CTNNA3: variants seen among roughly 807,000 people sequenced by gnomAD.
The protein encoded by CTNNA3 is catenin alpha 3.
CTNNA3 carries 76 observed loss-of-function variants against 95.7 expected under a neutral mutation model. The ratio of observed to expected loss-of-function variants is 0.79; its 90% CI spans 0.66 to 0.96. The LOEUF is 0.96. Ranked by LOEUF, CTNNA3 falls within the 40% of genes least tolerant of loss-of-function variation. The probability of loss-of-function intolerance (pLI) is 0.00; values close to 1 mark genes in which losing one functional copy is unlikely to be tolerated. For missense variants in CTNNA3, 1,191 were observed against 1,089.8 expected, an observed-to-expected ratio of 1.09 and a Z score of -1.31; for synonymous variants, 431 against 374.4, an observed-to-expected ratio of 1.15 and a Z score of -1.74.
intron 7 of CTNNA3, among the ~76,000 whole-genome samples, chr10:67,020,691 T>C (rs976292403): frequency 1.3e-4 from 20 of 152,234 alleles, no homozygotes; most frequent in African/African-American, 4.3e-4. Context: ...CAAAAGTTAT[T>C]TAAGGGGAGA....
chr10:67,266,432 C>T (rs1409203297), intron 5 of CTNNA3, among the ~76,000 whole-genome samples: 2 of 152,042 alleles, frequency 1.3e-5, no homozygotes, highest in Non-Finnish European at 2.9e-5. Context: ...TTAGAGCGAG[C>T]ATGCGGTTGG....
intron 11 of CTNNA3, among the ~76,000 whole-genome samples, chr10:66,448,696 T>C (rs188500190): frequency 1.6e-5 from 2 of 127,288 alleles, no homozygotes; most frequent in Non-Finnish European, 3.3e-5. Flanking sequence ...GGAAGGGGGG[T>C]GGGATAGCAT....
intron 7 of CTNNA3, among the ~76,000 whole-genome samples, chr10:67,148,179 TAC>T (rs1287849388): frequency 6.6e-6 from 1 of 152,160 alleles, no homozygotes; most frequent in Admixed American, 6.5e-5. Context: ...ATTTAGGACA[TAC>T]ATACACACAA....
intron 7 of CTNNA3, among the ~76,000 whole-genome samples, chr10:66,822,478 T>C (rs1032624651): frequency 3.9e-5 from 6 of 152,216 alleles, no homozygotes; most frequent in Non-Finnish European, 7.3e-5. Context: ...TAATTTTCAA[T>C]ATTTACAAGT....
chr10:66,835,609 G>T (rs1842860442), intron 7 of CTNNA3, among the ~76,000 whole-genome samples: 1 of 152,246 alleles, frequency 6.6e-6, no homozygotes, highest in South Asian at 2.1e-4. Flanking sequence ...TGATACTTTT[G>T]ACACACCCCC....
At chr10:66,485,016 C>A (rs570294181) in intron 11 of CTNNA3, among the ~76,000 whole-genome samples, 1 of 151,974 alleles carries the variant, frequency 6.6e-6, no homozygotes, top group Non-Finnish European at 1.5e-5. Flanking sequence ...TACAGAAAAT[C>A]ATTGACAAAA....
At chr10:67,105,548 A>G (rs537959924) in intron 7 of CTNNA3, among the ~76,000 whole-genome samples, 2 of 152,228 alleles carry the variant, frequency 1.3e-5, no homozygotes, top group South Asian at 2.1e-4. Context: ...TTTTACATCA[A>G]TGATATATTT....
chr10:67,277,882 C>T (rs908941834), intron 5 of CTNNA3, among the ~76,000 whole-genome samples: 6 of 152,136 alleles, frequency 3.9e-5, no homozygotes, highest in Non-Finnish European at 7.3e-5. Context: ...TTGCCCACCC[C>T]TTTCCCAGAA....
At chr10:66,330,815 TG>T (rs1320394355) in intron 12 of CTNNA3, among the ~76,000 whole-genome samples, 13 of 149,086 alleles carry the variant, frequency 8.7e-5, no homozygotes, top group African/African-American at 2.9e-4. Flanking sequence ...ATTTCTCTGA[TG>T]GCCAGTGATG....
chr10:67,566,804 A>G lies in CTNNA3; in HGVS notation c.293-27135T>C, dbSNP rs1228689499. ...CAACAATGATAGACTGGATTAAGAA[A>G]ATGTGGCACATATACACCATGGAAT... On this transcript the variant is annotated intron_variant, in intron 3 of 17. Transcript: ENST00000433211. Among the ~76,000 whole-genome samples, 7 of 152,284 alleles carry G rather than the reference A, an allele frequency of 4.6e-5. No homozygotes were observed. The East Asian group carries it at 1.4e-3, about 29-fold the overall frequency.
At chr10:66,622,699 C>G (rs1844791739) in intron 9 of CTNNA3, among the ~76,000 whole-genome samples, 1 of 152,130 alleles carries the variant, frequency 6.6e-6, no homozygotes, top group Admixed American at 6.6e-5. Flanking sequence ...ATATCTCTGT[C>G]AGTTGTTTTA....
intron 7 of CTNNA3, among the ~76,000 whole-genome samples, chr10:67,158,746 A>T (rs1589806113): frequency 6.6e-6 from 1 of 152,260 alleles, no homozygotes; most frequent in Non-Finnish European, 1.5e-5. Flanking sequence ...TGCTACCTGT[A>T]CTTCTTCAAA....
intron 7 of CTNNA3, among the ~76,000 whole-genome samples, chr10:66,815,041 G>A (rs1033144535): frequency 3.3e-5 from 5 of 151,294 alleles, no homozygotes; most frequent in African/African-American, 9.7e-5. Context: ...TAGTAGAGAC[G>A]GGGTTTCACC....
chr10:66,328,461 T>A (rs1274371454), intron 12 of CTNNA3, among the ~76,000 whole-genome samples: 2 of 152,026 alleles, frequency 1.3e-5, no homozygotes, highest in African/African-American at 4.8e-5. Flanking sequence ...TATAAGTCAT[T>A]CTGAATCCTT....
intron 7 of CTNNA3, among the ~76,000 whole-genome samples, chr10:67,103,916 A>C (rs1420334329): frequency 6.6e-6 from 1 of 151,708 alleles, no homozygotes; most frequent in Non-Finnish European, 1.5e-5. Flanking sequence ...AACAACAACA[A>C]CAATATTTTC....
chr10:67,375,848 G>C (rs915290005), intron 5 of CTNNA3, among the ~76,000 whole-genome samples: 1 of 152,146 alleles, frequency 6.6e-6, no homozygotes, highest in East Asian at 1.9e-4. Flanking sequence ...CAACAGAACA[G>C]CTTCAAGAAC....
At chr10:67,003,027 T>C (rs1851772610) in intron 7 of CTNNA3, among the ~76,000 whole-genome samples, 1 of 152,146 alleles carries the variant, frequency 6.6e-6, no homozygotes, top group Non-Finnish European at 1.5e-5. Context: ...ATGATACTAT[T>C]TATAATGCCA....
At chr10:67,346,825 C>A (rs1461100729) in intron 5 of CTNNA3, 7 of 341,782 alleles carry the variant, frequency 2.0e-5, no homozygotes, top group Non-Finnish European at 4.3e-5. Context: ...ATTTAGAAAC[C>A]CTTTCCCACT....
rs187985909 is a variant in CTNNA3 at position 66,035,552 on chromosome 10, C to T, written c.2159+33756G>A. Among the ~76,000 whole-genome samples the T allele has an allele frequency of 1.5e-3, 150 of 102,272 alleles. 1 individual carries two copies. The highest frequency in any genetic ancestry group is 4.9e-3 in the African/African-American group (144 of 29,458). The allele number at this position is 102,272 out of a possible 152,430, so 67.1% of individuals were successfully genotyped here. ...GAATGAGGGTATTTTTTTTTTTTGC[C>T]GCTGGCTTTATAATAAATGTATTAT... On this transcript the variant is annotated intron_variant, in intron 15 of 17. Coordinates refer to ENST00000433211, the MANE Select transcript of CTNNA3 (RefSeq NM_013266.4).
Sources: allele counts gnomAD v4.1 joint callset (sites outside exome capture counted in the v4.1 genomes callset), GRCh38; gene constraint gnomAD v4.1.1; transcripts MANE v1.5; gene names NCBI Gene and HGNC (gene_info 2026-07-23, HGNC 2026-07-21).